The following GRID2 variants were observed in gnomAD, a reference collection of about 807,000 sequenced individuals.
GRID2 encodes the protein glutamate receptor ionotropic, delta-2.
A neutral mutation model predicts 114.8 loss-of-function variants in GRID2; 33 were observed. The ratio of observed to expected loss-of-function variants is 0.29; its 90% CI spans 0.22 to 0.38. GRID2 has a LOEUF of 0.38. Ranked by LOEUF, GRID2 falls within the 10% of genes least tolerant of loss-of-function variation. The probability of loss-of-function intolerance (pLI) is 1.00; values close to 1 mark genes in which losing one functional copy is unlikely to be tolerated. For missense variants in GRID2, 1,184 were observed against 1,257.7 expected, an observed-to-expected ratio of 0.94 and a Z score of 0.89; for synonymous variants, 505 against 449.9, an observed-to-expected ratio of 1.12 and a Z score of -1.55.
intron 14 of GRID2, among the ~76,000 whole-genome samples, chr4:93,698,844 A>T (rs1169402388): frequency 6.6e-6 from 1 of 152,082 alleles, no homozygotes. Context: ...AAAAGCAAAT[A>T]TTTTGATATT....
chr4:92,707,917 A>G (rs774967245), intron 2 of GRID2, among the ~76,000 whole-genome samples: 18 of 152,210 alleles, frequency 1.2e-4, no homozygotes, highest in Non-Finnish European at 1.9e-4. Context: ...CTGCAGAATT[A>G]AAAAACCAAC....
intron 3 of GRID2, among the ~76,000 whole-genome samples, chr4:93,090,553 C>T (rs534747358): frequency 1.1e-4 from 16 of 152,188 alleles, no homozygotes; most frequent in African/African-American, 3.9e-4. Flanking sequence ...TGGATGAATC[C>T]CATAGTAGGA....
chr4:93,695,809 C>CGGCT (rs1237595701), intron 14 of GRID2, among the ~76,000 whole-genome samples: 10 of 152,180 alleles, frequency 6.6e-5, no homozygotes, highest in Admixed American at 6.5e-4. Flanking sequence ...CTCTCTAAGC[C>CGGCT]GCTCAACTTC....
At chr4:93,137,966 G>GTTTTT (rs753814961) in intron 4 of GRID2, among the ~76,000 whole-genome samples, 871 of 78,370 alleles carry the variant, frequency 0.011, 52 homozygotes, top group Non-Finnish European at 0.013. Flanking sequence ...TTTTTTCTTC[G>GTTTTT]TTTTTTTTTT....
chr4:92,480,170 G>A (rs1005052283), intron 1 of GRID2, among the ~76,000 whole-genome samples: 4 of 152,058 alleles, frequency 2.6e-5, no homozygotes, highest in Non-Finnish European at 4.4e-5. Flanking sequence ...ACATGAATTT[G>A]TTAGAGTAAA....
At chr4:93,664,884 A>C (rs1467711929) in intron 14 of GRID2, among the ~76,000 whole-genome samples, 1 of 152,192 alleles carries the variant, frequency 6.6e-6, no homozygotes, top group Non-Finnish European at 1.5e-5. Flanking sequence ...AATGTACCTA[A>C]AACACAGATT....
At chr4:92,919,831 G>GATTTGGGGTGGAGAGTTCTGTAGATGTGT (rs1749154711) in intron 2 of GRID2, among the ~76,000 whole-genome samples, 1 of 152,226 alleles carries the variant, frequency 6.6e-6, no homozygotes, top group East Asian at 1.9e-4. Context: ...ATATTCTGTT[G>GATTTGGGGTGGAGAGTTCTGTAGATGTGT]ATTTGGGGTG....
rs1023837627 is a variant in GRID2 at position 93,784,059 on chromosome 4, G to A, written c.221+14609G>A. Among the ~76,000 whole-genome samples the A allele has an allele frequency of 1.7e-4, 17 of 101,112 alleles. 1 individual carries two copies. Among genetic ancestry groups the A allele is most frequent in the Non-Finnish European group, 1.2e-4 (7 of 57,066 alleles). 66.3% of individuals were successfully genotyped at this position (101,112 alleles called of 152,430 possible). Reference sequence around the variant, plus strand: ...TGCACTCCAGCCTGGGCGACAGAGCGAGACTCCGTCTCAAAAAAAAAAAAA... The same window carrying A: ...TGCACTCCAGCCTGGGCGACAGAGCAAGACTCCGTCTCAAAAAAAAAAAAA... On this transcript the variant is annotated intron_variant, in intron 1 of 1. Transcript: ENST00000637838.
intron 2 of GRID2, among the ~76,000 whole-genome samples, chr4:93,037,789 A>G (rs1384535867): frequency 1.3e-5 from 2 of 151,976 alleles, no homozygotes; most frequent in African/African-American, 2.4e-5. Flanking sequence ...GTTCTGTTCT[A>G]TTGGTCTATA....
At chr4:93,063,220 C>A (rs1211549677) in intron 2 of GRID2, among the ~76,000 whole-genome samples, 2 of 151,734 alleles carry the variant, frequency 1.3e-5, no homozygotes, top group Non-Finnish European at 2.9e-5. Flanking sequence ...ATCATTTTAA[C>A]CTTAAATAAA....
intron 2 of GRID2, among the ~76,000 whole-genome samples, chr4:93,032,101 A>T (rs1724494043): frequency 6.6e-6 from 1 of 152,174 alleles, no homozygotes; most frequent in South Asian, 2.1e-4. Flanking sequence ...TACCTGGGGA[A>T]AACTATACTC....
At chr4:93,290,887 T>TC (rs1215394459) in intron 8 of GRID2, among the ~76,000 whole-genome samples, 1 of 142,458 alleles carries the variant, frequency 7.0e-6, no homozygotes, top group Non-Finnish European at 1.5e-5. Context: ...TTTTTTTTTT[T>TC]TTTTTTTTGA....
At chr4:92,981,221 G>A (rs1040987255) in intron 2 of GRID2, among the ~76,000 whole-genome samples, 11 of 151,894 alleles carry the variant, frequency 7.2e-5, no homozygotes, top group African/African-American at 2.7e-4. Context: ...GTGTGTGTGT[G>A]CATACGTCTT....
intron 1 of GRID2, among the ~76,000 whole-genome samples, chr4:92,421,732 C>T (rs377467166): frequency 1.3e-5 from 2 of 152,112 alleles, no homozygotes; most frequent in African/African-American, 4.8e-5. Flanking sequence ...GAGTAATGCC[C>T]ACTGCTTCAC....
At chr4:92,305,133 G>A (rs1307197902) in intron 1 of GRID2, among the ~76,000 whole-genome samples, 1 of 152,136 alleles carries the variant, frequency 6.6e-6, no homozygotes, top group African/African-American at 2.4e-5. Flanking sequence ...TATCTTTGGG[G>A]GAGCAGAGAA....
intron 2 of GRID2, among the ~76,000 whole-genome samples, chr4:92,929,816 T>C (rs1750089327): frequency 6.6e-6 from 1 of 151,462 alleles, no homozygotes; most frequent in East Asian, 1.9e-4. Flanking sequence ...ATATTATTAA[T>C]GTCTAATTTG....
chr4:93,067,927 C>A (rs1323919606), intron 2 of GRID2, among the ~76,000 whole-genome samples: 1 of 151,904 alleles, frequency 6.6e-6, no homozygotes, highest in African/African-American at 2.4e-5. Context: ...AATTATATGC[C>A]TTTTTAAAAT....
At chr4:93,580,075 T>G (rs1437939769) in intron 13 of GRID2, among the ~76,000 whole-genome samples, 1 of 152,208 alleles carries the variant, frequency 6.6e-6, no homozygotes, top group Admixed American at 6.5e-5. Context: ...AGAAGGCACA[T>G]AACAGATGTA....
intron 8 of GRID2, among the ~76,000 whole-genome samples, chr4:93,315,571 T>C (rs1756492915): frequency 6.6e-6 from 1 of 152,144 alleles, no homozygotes; most frequent in Non-Finnish European, 1.5e-5. Context: ...ATTTCCTGCA[T>C]GAGACACCAC....
Sources: gnomAD v4.1 joint callset for allele counts (sites outside exome capture counted in the v4.1 genomes callset) on GRCh38, gnomAD v4.1.1 for gene constraint, MANE v1.5 for transcripts, NCBI Gene and HGNC (gene_info 2026-07-23, HGNC 2026-07-21) for gene names.